Variants in DPYD observed in about 807,000 individuals in gnomAD.
DPYD encodes the protein dihydropyrimidine dehydrogenase, also known as dihydropyrimidine dehydrogenase [NADP(+)].
A neutral mutation model predicts 116.2 loss-of-function variants in DPYD; 109 were observed. The observed-to-expected ratio is 0.94, with a 90% confidence interval of 0.80 to 1.10. DPYD has a LOEUF of 1.10. Among genes scored for constraint, DPYD ranks in the 50% least tolerant of loss-of-function variants. DPYD has a pLI of 0.00. For synonymous variants in DPYD, 440 were observed against 432.0 expected, an observed-to-expected ratio of 1.02 and a Z score of -0.23; for missense variants, 1,302 against 1,254.5, an observed-to-expected ratio of 1.04 and a Z score of -0.57.
chr1:97,797,370 T>C (rs1204496350), intron 3 of DPYD: 1 of 152,174 alleles, frequency 6.6e-6, no homozygotes, highest in Non-Finnish European at 1.5e-5. Context: ...GGAAGATCAG[T>C]TACTCTGCTG....
chr1:97,303,722 C>G (rs1666992456), intron 18 of DPYD, among the ~76,000 whole-genome samples: 1 of 151,956 alleles, frequency 6.6e-6, no homozygotes, highest in Admixed American at 6.6e-5. Context: ...AATATAGAAC[C>G]TATTAGAAAT....
intron 11 of DPYD, 122 bp downstream of exon 11, chr1:97,573,638 C>G (rs1203055807): frequency 1.6e-6 from 2 of 1,233,876 alleles, no homozygotes; most frequent in Admixed American, 3.9e-5. Context: ...ATTGCTTTTA[C>G]TTCTTAACTA....
chr1:97,593,416 C>A (rs983299666), intron 9 of DPYD, 29 bp from the exon 10 acceptor site: 1 of 1,612,882 alleles, frequency 6.2e-7, no homozygotes, highest in South Asian at 1.1e-5. Context: ...ACCCCATTTT[C>A]AAGTAGAGAA....
chr1:97,691,276 G>A (rs928754549), intron 7 of DPYD: 3 of 154,690 alleles, frequency 1.9e-5, no homozygotes, highest in African/African-American at 7.3e-5. Flanking sequence ...CTTGTGTTGA[G>A]AAAGGATTAT....
chr1:97,318,672 C>T (rs1395987301), intron 16 of DPYD, among the ~76,000 whole-genome samples: 4 of 151,154 alleles, frequency 2.6e-5, no homozygotes, highest in South Asian at 2.1e-4. Context: ...GACAGATCAA[C>T]GAGACAGAAA....
At chr1:97,209,958 A>G (rs113467548) in intron 19 of DPYD, among the ~76,000 whole-genome samples, 1 of 152,284 alleles carries the variant, frequency 6.6e-6, no homozygotes, top group African/African-American at 2.4e-5. Context: ...CTCCTGGTTC[A>G]TATCTGCCAA....
intron 20 of DPYD, among the ~76,000 whole-genome samples, chr1:97,102,459 T>TTATCTATCTATC (rs1236741247): frequency 0.34 from 42,904 of 124,660 alleles, 7,705 homozygotes; most frequent in African/African-American, 0.37. Flanking sequence ...CTGAAATCTA[T>TTATCTATCTATC]TATCTATCTA....
At position 97,882,411 on chromosome 1, in the gene DPYD, T is replaced by A. The variant is rs188964527; in HGVS notation, c.150+853A>T. Among the ~76,000 whole-genome samples the A allele has an allele frequency of 1.2e-3, 185 of 151,982 alleles. No individual in the cohort carries two copies. The Middle Eastern group carries it at 0.024, about 20-fold the overall frequency. On this transcript the variant is annotated intron_variant, in intron 2 of 22. Coordinates refer to ENST00000370192, the MANE Select transcript of DPYD (RefSeq NM_000110.4). Reference sequence around the variant, plus strand: ...TTCCATCCTCAAAGAGTTCATAATATAAGAAGGAGGAAAGAAGTACATAAA... The same window carrying A: ...TTCCATCCTCAAAGAGTTCATAATAAAAGAAGGAGGAAAGAAGTACATAAA...
intron 13 of DPYD, among the ~76,000 whole-genome samples, chr1:97,488,449 CAG>C (rs1306422013): frequency 6.6e-6 from 1 of 152,028 alleles, no homozygotes; most frequent in Non-Finnish European, 1.5e-5. Flanking sequence ...AAAAGTAAAA[CAG>C]GGAAATCTTC....
At chr1:97,833,183 A>C (rs1669617759) in intron 2 of DPYD, among the ~76,000 whole-genome samples, 1 of 152,148 alleles carries the variant, frequency 6.6e-6, no homozygotes, top group African/African-American at 2.4e-5. Context: ...ATTTTAACAA[A>C]TGAAAAGTCA....
At chr1:97,891,506 T>C in intron 1 of DPYD, among the ~76,000 whole-genome samples, 1 of 151,930 alleles carries the variant, frequency 6.6e-6, no homozygotes, top group East Asian at 1.9e-4. Flanking sequence ...CAAGTATAAA[T>C]GAAATCAAAT....
intron 3 of DPYD, among the ~76,000 whole-genome samples, chr1:97,814,706 C>G (rs953060263): frequency 6.6e-6 from 1 of 151,870 alleles, no homozygotes; most frequent in African/African-American, 2.4e-5. Context: ...CCAGGAATCT[C>G]CAGCCTGGCC....
Position 97,140,337 on chromosome 1 carries a change from T to C in DPYD, c.2623-41705A>G, listed in dbSNP as rs553459383. Among the ~76,000 whole-genome samples, 4 of 152,102 alleles carry C rather than the reference T, an allele frequency of 2.6e-5. No individual in the cohort carries two copies. The East Asian group carries it at 5.8e-4, about 22-fold the overall frequency. ...GAAAGCTGCTGCAATATAACTACAT[T>C]GAAAGCCCTGCCAAGGAGAGGTAAT... is the stretch of plus-strand genomic sequence containing the variant. On this transcript the variant is annotated intron_variant, in intron 20 of 22. Transcript: ENST00000370192.
At chr1:97,915,692 T>A (rs1674176132) in intron 1 of DPYD, among the ~76,000 whole-genome samples, 1 of 152,194 alleles carries the variant, frequency 6.6e-6, no homozygotes, top group African/African-American at 2.4e-5. Flanking sequence ...TATTAAATAT[T>A]TTTAATTAAG....
intron 8 of DPYD, among the ~76,000 whole-genome samples, chr1:97,624,686 T>A (rs1656824264): frequency 6.6e-6 from 1 of 152,044 alleles, no homozygotes; most frequent in Non-Finnish European, 1.5e-5. Context: ...ACAGCACTAT[T>A]CACAATAGCT....
intron 8 of DPYD, among the ~76,000 whole-genome samples, chr1:97,675,476 T>C (rs1571170950): frequency 6.6e-6 from 1 of 152,146 alleles, no homozygotes; most frequent in Non-Finnish European, 1.5e-5. Flanking sequence ...ATGATGTACA[T>C]TCAATGAGAT....
chr1:97,149,492 A>C (rs1238693392), intron 20 of DPYD, among the ~76,000 whole-genome samples: 2 of 152,160 alleles, frequency 1.3e-5, no homozygotes, highest in African/African-American at 2.4e-5. Flanking sequence ...ACCTCAGGTG[A>C]TCTGCCCATC....
chr1:97,834,402 G>C (rs1669670423), intron 2 of DPYD, among the ~76,000 whole-genome samples: 1 of 150,972 alleles, frequency 6.6e-6, no homozygotes, highest in Non-Finnish European at 1.5e-5. Context: ...AATTCAATAG[G>C]GTAACTGTTA....
At chr1:97,256,845 C>A (rs1663510698) in intron 18 of DPYD, among the ~76,000 whole-genome samples, 3 of 152,052 alleles carry the variant, frequency 2.0e-5, no homozygotes. Context: ...TTTTATAAAT[C>A]TGTCAATAGT....
Sources: allele counts gnomAD v4.1 joint callset (sites outside exome capture counted in the v4.1 genomes callset), GRCh38; gene constraint gnomAD v4.1.1; transcripts MANE v1.5; gene names NCBI Gene and HGNC (gene_info 2026-07-23, HGNC 2026-07-21).